Variants in GALNT9 observed in about 807,000 individuals in gnomAD.
GALNT9 encodes the protein GalNAc transferase 9.
A neutral mutation model predicts 63.1 loss-of-function variants in GALNT9; 47 were observed. The ratio of observed to expected loss-of-function variants is 0.75; its 90% CI spans 0.59 to 0.95. The LOEUF (loss-of-function observed/expected upper bound fraction) is 0.95. Ranked by LOEUF, GALNT9 falls within the 40% of genes least tolerant of loss-of-function variation. The pLI, the probability that GALNT9 is intolerant of heterozygous loss-of-function variation, is 0.00. For missense variants in GALNT9, 829 were observed against 874.8 expected (o/e 0.95, Z 0.66); for synonymous variants, 396 against 365.7 (o/e 1.08, Z -0.94).
chr12:132,318,278 A>G (rs1868614083), intron 1 of GALNT9, among the ~76,000 whole-genome samples: 1 of 152,260 alleles, frequency 6.6e-6, no homozygotes, highest in South Asian at 2.1e-4. Flanking sequence ...GGGCGGCAGG[A>G]CGCTGACCAA....
Position 132,197,860 on chromosome 12 carries a change from G to C in GALNT9, c.1597C>G (p.Arg533Gly). 1 of 1,609,170 alleles carries C rather than the reference G, an allele frequency of 6.2e-7. No homozygotes were observed. The highest frequency in any genetic ancestry group is 8.5e-7 in the Non-Finnish European group (1 of 1,178,630). Residue 533 changes from arginine to glycine, a missense_variant, in exon 10 of 11, where the codon CGC becomes GGC. Arg to Gly is a moderately radical substitution (Grantham distance 125, BLOSUM62 -2). Transcript: ENST00000328957. ...SKCLVDDGTG[R>G]MPTLKKCEDV... Reference sequence around the variant, plus strand: ...TCACACTTCTTCAGGGTGGGCATGCGGCCCGTGCCGTCATCCACCAGACAC... The same window carrying C: ...TCACACTTCTTCAGGGTGGGCATGCCGCCCGTGCCGTCATCCACCAGACAC...
chr12:132,305,037 A>G (rs372413365), intron 1 of GALNT9, among the ~76,000 whole-genome samples: 61 of 40,366 alleles, frequency 1.5e-3, no homozygotes, highest in Middle Eastern at 0.031. Context: ...ACCCAGACAC[A>G]CCCTCACCCG....
At chr12:132,260,603 C>T (rs1039973198) in intron 4 of GALNT9, among the ~76,000 whole-genome samples, 11 of 152,218 alleles carry the variant, frequency 7.2e-5, no homozygotes, top group South Asian at 2.1e-4. Flanking sequence ...ACACGGTACC[C>T]GAGCCTGCTG....
intron 6 of GALNT9, among the ~76,000 whole-genome samples, chr12:132,210,144 A>T (rs184240397): frequency 3.3e-5 from 5 of 152,268 alleles, no homozygotes; most frequent in Non-Finnish European, 1.5e-5. Context: ...TCCTCCAGAG[A>T]TGGGTGGGTC....
At chr12:132,250,180 C>T (rs1878853956) in intron 5 of GALNT9, among the ~76,000 whole-genome samples, 1 of 152,136 alleles carries the variant, frequency 6.6e-6, no homozygotes, top group African/African-American at 2.4e-5. Flanking sequence ...GGGCAGGGAG[C>T]CAGGTGCAAG....
In GALNT9 at chr12:132,208,638, C is replaced by T. The variant is rs557249409; in HGVS notation, c.1078-4948G>A. Among the ~76,000 whole-genome samples the T allele has an allele frequency of 1.2e-3, 186 of 152,322 alleles. 2 individuals are homozygous for T. The highest frequency in any genetic ancestry group is 3.4e-3 in the Middle Eastern group (1 of 294). On this transcript the variant is annotated intron_variant, in intron 6 of 10. Transcript: ENST00000328957. ...CAGCTGAGCCCATTCCTCCCCACCC[C>T]AACCAGCCAACCCCGCTCACCTGGC...
At chr12:132,230,101 A>G (rs1053529569) in intron 6 of GALNT9, among the ~76,000 whole-genome samples, 1 of 152,140 alleles carries the variant, frequency 6.6e-6, no homozygotes, top group Non-Finnish European at 1.5e-5. Context: ...CACAGAGGGC[A>G]TCGTAATTCC....
chr12:132,287,156 A>C, intron 1 of GALNT9, among the ~76,000 whole-genome samples: 2 of 131,498 alleles, frequency 1.5e-5, no homozygotes, highest in Non-Finnish European at 3.1e-5. Context: ...CACGCACGCC[A>C]GCCCCCCGTG....
chr12:132,253,505 C>T (rs1879002487), intron 5 of GALNT9, among the ~76,000 whole-genome samples: 1 of 146,488 alleles, frequency 6.8e-6, no homozygotes, highest in East Asian at 2.0e-4. Context: ...TGACCCTATA[C>T]CCTCAGGTTA....
chr12:132,263,943 C>T (rs542837566), intron 2 of GALNT9, among the ~76,000 whole-genome samples: 6 of 152,160 alleles, frequency 3.9e-5, no homozygotes, highest in Non-Finnish European at 8.8e-5. Context: ...GCCACATGCA[C>T]CTGTGCTGAA....
chr12:132,213,877 G>A (rs910532742), intron 6 of GALNT9, among the ~76,000 whole-genome samples: 1 of 152,236 alleles, frequency 6.6e-6, no homozygotes, highest in Non-Finnish European at 1.5e-5. Flanking sequence ...GTGCGCGTGG[G>A]CGCTGACAGT....
chr12:132,292,448 G>A (rs1880896352), intron 1 of GALNT9, among the ~76,000 whole-genome samples: 1 of 152,188 alleles, frequency 6.6e-6, no homozygotes, highest in South Asian at 2.1e-4. Flanking sequence ...GGCTTCACGG[G>A]CTCTGCTGGG....
At chr12:132,235,748 A>G (rs1309588833) in intron 6 of GALNT9, among the ~76,000 whole-genome samples, 7 of 78,072 alleles carry the variant, frequency 9.0e-5, no homozygotes. Flanking sequence ...AGTGAGTTCA[A>G]CCCTCGGGAC....
chr12:132,303,574 C>T (rs1288147532), intron 1 of GALNT9, among the ~76,000 whole-genome samples: 2,405 of 95,946 alleles, frequency 0.025, 230 homozygotes, highest in African/African-American at 0.072. Context: ...CAGCCTCGCC[C>T]GGGCACACCC....
intron 6 of GALNT9, among the ~76,000 whole-genome samples, chr12:132,222,128 C>T (rs1258359672): frequency 6.6e-6 from 1 of 152,134 alleles, no homozygotes; most frequent in East Asian, 1.9e-4. Context: ...CATCTTAAAA[C>T]CTGATAAAGA....
chr12:132,197,224 G>GC lies in GALNT9; in HGVS notation c.1694dup (p.Arg566ProfsTer91). On this transcript the variant is annotated frameshift_variant, in exon 11 of 11. Transcript: ENST00000328957. LOFTEE classifies it high-confidence loss of function. ...TGGACATCTCCACCTCCAGGCAGCG[G>GC]CCCGTGGCCCGGCTCACAATGGGGC... The GC allele has an allele frequency of 6.2e-7, 1 of 1,613,316 alleles. No homozygotes were observed. Among genetic ancestry groups the GC allele is most frequent in the Non-Finnish European group, 8.5e-7 (1 of 1,180,000 alleles).
At chr12:132,298,473 A>G (rs1052766356) in intron 1 of GALNT9, among the ~76,000 whole-genome samples, 12 of 150,366 alleles carry the variant, frequency 8.0e-5, no homozygotes, top group South Asian at 2.1e-4. Flanking sequence ...AACCCACCCG[A>G]GATAACCAAA....
In GALNT9 at chr12:132,246,873, C is replaced by T. The variant is rs115784529; in HGVS notation, c.1077+1037G>A. On this transcript the variant is annotated intron_variant, in intron 6 of 10. Coordinates refer to ENST00000328957, the MANE Select transcript of GALNT9 (RefSeq NM_001122636.2). The surrounding 1 kb of genome is among the most constrained non-coding windows in gnomAD (Gnocchi z 4.7). ...CTGCCCAACCTGAGTTAAACAATCG[C>T]GGCCACGGGGAAGGAGGCCGTTTTA... Among the ~76,000 whole-genome samples the T allele has an allele frequency of 0.016, 2,427 of 152,258 alleles. 54 individuals carry two copies. The highest frequency in any genetic ancestry group is 0.054 in the African/African-American group (2,258 of 41,518).
At chr12:132,214,561 C>T (rs1264681611) in intron 6 of GALNT9, among the ~76,000 whole-genome samples, 4 of 152,236 alleles carry the variant, frequency 2.6e-5, no homozygotes, top group African/African-American at 9.6e-5. Flanking sequence ...CCCAACCACT[C>T]AGGAGGATGG....
Sources: allele counts gnomAD v4.1 joint callset (sites outside exome capture counted in the v4.1 genomes callset), GRCh38; gene constraint gnomAD v4.1.1; non-coding constraint Gnocchi (gnomAD v3.1); transcripts MANE v1.5; gene names NCBI Gene and HGNC (gene_info 2026-07-23, HGNC 2026-07-21).